The following PRKAR2B variants were observed in gnomAD, a reference collection of about 807,000 sequenced individuals.
PRKAR2B encodes cAMP-dependent protein kinase type II-beta regulatory subunit.
In PRKAR2B, 14 loss-of-function variants were observed where a neutral mutation model predicts 49.9. The observed-to-expected ratio is 0.28, with a 90% CI of 0.19 to 0.44. PRKAR2B has a LOEUF of 0.44. PRKAR2B is among the 20% of genes least tolerant of loss of function. The pLI is 1.00. For missense variants in PRKAR2B, 393 were observed against 537.9 expected, an observed-to-expected ratio of 0.73 and a Z score of 2.67; for synonymous variants, 196 against 197.7, an observed-to-expected ratio of 0.99 and a Z score of 0.07.
intron 8 of PRKAR2B, 95 bp from the exon 9 acceptor site, chr7:107,156,889 T>C: frequency 2.9e-6 from 3 of 1,037,076 alleles, no homozygotes; most frequent in South Asian, 1.4e-5. Context: ...ATGTGTACTT[T>C]GGGGTTGGAT....
At chr7:107,083,928 A>G (rs779258034) in intron 2 of PRKAR2B, among the ~76,000 whole-genome samples, 16 of 152,084 alleles carry the variant, frequency 1.1e-4, no homozygotes, top group Admixed American at 5.2e-4. Flanking sequence ...GTTTTTAGCT[A>G]TTTTATTAAA....
intron 2 of PRKAR2B, among the ~76,000 whole-genome samples, chr7:107,113,608 T>C (rs1795213278): frequency 6.6e-6 from 1 of 152,202 alleles, no homozygotes; most frequent in East Asian, 1.9e-4. Flanking sequence ...ACATTGACTT[T>C]AAAAAATGGA....
intron 2 of PRKAR2B, among the ~76,000 whole-genome samples, chr7:107,086,274 G>A (rs1794618561): frequency 1.3e-5 from 2 of 152,060 alleles, no homozygotes; most frequent in Non-Finnish European, 2.9e-5. Context: ...GTTTGACCTT[G>A]AGAGGGTTAT....
rs1368558750 is a variant in PRKAR2B, at chr7:107,075,107, AT to A, written c.343+4805del. ...ATTGGATGATTTTTATTATTTTTAA[AT>A]TTTTTTTTTTTTTGAGATGGAGTCT... On this transcript the variant is annotated intron_variant, in intron 2 of 10. Transcript: ENST00000265717. Among the ~76,000 whole-genome samples, 187 of 144,400 alleles carry A rather than the reference AT, an allele frequency of 1.3e-3. 1 individual carries two copies. The highest frequency in any genetic ancestry group is 2.2e-3 in the African/African-American group (86 of 39,694). 94.7% of individuals were successfully genotyped at this position (144,400 alleles called of 152,430 possible).
rs1796182811 is a variant in PRKAR2B, at chr7:107,160,718, A to C, written c.*1136A>C. 6.6e-6 allele frequency: 1 copy of C among 152,176 alleles called. No homozygotes were observed. Among genetic ancestry groups the C allele is most frequent in the Non-Finnish European group, 1.5e-5 (1 of 68,022 alleles). 9.4% of individuals were successfully genotyped at this position (152,176 alleles called of 1,614,324 possible). On this transcript the variant is annotated 3_prime_UTR_variant, in exon 11 of 11. Coordinates refer to ENST00000265717, the MANE Select transcript of PRKAR2B (RefSeq NM_002736.3). ...ATGAGCATAACCCTATATAAAGACA[A>C]AATGAATTTCTGACCTTACCATATA...
At chr7:107,124,533 T>C (rs1295798737) in intron 3 of PRKAR2B, among the ~76,000 whole-genome samples, 1 of 152,220 alleles carries the variant, frequency 6.6e-6, no homozygotes, top group Non-Finnish European at 1.5e-5. Context: ...TTCTCATGCC[T>C]CAGCCTCCCG....
intron 5 of PRKAR2B, among the ~76,000 whole-genome samples, chr7:107,141,792 A>C (rs542967970): frequency 6.6e-6 from 1 of 152,328 alleles, no homozygotes; most frequent in Admixed American, 6.5e-5. Context: ...AACATCATCC[A>C]GTCCACATAA....
In PRKAR2B at chr7:107,151,004, C is replaced by T. The variant is rs1795975909; in HGVS notation, c.824C>T (p.Pro275Leu). ...KMYESFIESL[P>L]FLKSLEFSER... ...TATGAAAGCTTTATTGAGTCACTGC[C>T]ATTCCTTAAATCTTTGGAGGTAAGT... The change falls in exon 7 of 11, where the codon CCA becomes CTA. Residue 275 changes from proline to leucine, a missense_variant. Transcript: ENST00000265717. The T allele has an allele frequency of 6.3e-7, 1 of 1,578,896 alleles. No individual in the cohort carries two copies. The highest frequency in any genetic ancestry group is 8.6e-7 in the Non-Finnish European group (1 of 1,161,420).
intron 1 of PRKAR2B, among the ~76,000 whole-genome samples, chr7:107,048,379 C>G (rs1301524600): frequency 6.6e-6 from 1 of 151,864 alleles, no homozygotes; most frequent in Non-Finnish European, 1.5e-5. Flanking sequence ...TGGGCTGACT[C>G]ACAAGTCAGG....
chr7:107,058,569 G>A (rs757179719), intron 1 of PRKAR2B, among the ~76,000 whole-genome samples: 11 of 152,064 alleles, frequency 7.2e-5, no homozygotes, highest in Non-Finnish European at 1.2e-4. Flanking sequence ...TTGTTCATAC[G>A]TCTTTGATTT....
In PRKAR2B at chr7:107,045,060, C is replaced by A; in HGVS notation, c.153C>A (p.Phe51Leu). 13 of 1,543,882 alleles carry A rather than the reference C, an allele frequency of 8.4e-6. No individual in the cohort carries two copies. Among genetic ancestry groups the A allele is most frequent in the South Asian group, 1.2e-5 (1 of 84,232 alleles). Reference sequence around the variant, plus strand: ...ACGAGCGCAAAGGCACCGCGCGCTTCGGCCATGAGGGCAGGACCTGGGGGG... The same window carrying A: ...ACGAGCGCAAAGGCACCGCGCGCTTAGGCCATGAGGGCAGGACCTGGGGGG... ...QENERKGTAR[F>L]GHEGRTWGDL... Residue 51 changes from phenylalanine (F) to leucine (L), a missense_variant, in exon 1 of 11, where the codon TTC becomes TTA. Physicochemically the swap from Phe to Leu is conservative, Grantham distance 22. This residue lies in a region of PRKAR2B where 160 missense variants were observed against 147.6 expected (regional missense o/e 1.08). Coordinates refer to ENST00000265717, the MANE Select transcript of PRKAR2B (RefSeq NM_002736.3).
intron 1 of PRKAR2B, among the ~76,000 whole-genome samples, chr7:107,064,189 T>G (rs753192690): frequency 2.0e-5 from 3 of 152,224 alleles, no homozygotes; most frequent in Non-Finnish European, 4.4e-5. Flanking sequence ...TGTATTTTTC[T>G]CTCTTTTTCT....
intron 2 of PRKAR2B, among the ~76,000 whole-genome samples, chr7:107,071,730 CATTT>C (rs1415766459): frequency 6.6e-6 from 1 of 152,162 alleles, no homozygotes; most frequent in African/African-American, 2.4e-5. Flanking sequence ...TGACATGTGA[CATTT>C]ATTTCTGGGC....
At chr7:107,141,037 A>T in intron 5 of PRKAR2B, 84 bp downstream of exon 5, 4 of 958,922 alleles carry the variant, frequency 4.2e-6, no homozygotes, top group Non-Finnish European at 6.5e-6. Context: ...CTGACAGGTT[A>T]ATATAGGATA....
At chr7:107,094,265 A>G (rs1794793389) in intron 2 of PRKAR2B, among the ~76,000 whole-genome samples, 1 of 152,204 alleles carries the variant, frequency 6.6e-6, no homozygotes, top group South Asian at 2.1e-4. Context: ...ATGGCCAGTG[A>G]TGATGAACAT....
chr7:107,055,869 T>G (rs1482816708), intron 1 of PRKAR2B, among the ~76,000 whole-genome samples: 1 of 152,238 alleles, frequency 6.6e-6, no homozygotes, highest in African/African-American at 2.4e-5. Flanking sequence ...CTTTTGGTGT[T>G]TTAGACATGA....
At chr7:107,147,322 C>A (rs1795912109) in intron 6 of PRKAR2B, among the ~76,000 whole-genome samples, 1 of 152,106 alleles carries the variant, frequency 6.6e-6, no homozygotes, top group Admixed American at 6.5e-5. Flanking sequence ...AAAAAAAATC[C>A]TCTTACCTAG....
At chr7:107,112,003 CAAAAAAAAAAAAAA>C (rs71134251) in intron 2 of PRKAR2B, among the ~76,000 whole-genome samples, 1 of 46,148 alleles carries the variant, frequency 2.2e-5, no homozygotes, top group East Asian at 7.8e-4. Flanking sequence ...CCTCCTCTAC[CAAAAAAAAAAAAAA>C]AAAAAAAAAA....
chr7:107,141,640 C>T (rs13229476), intron 5 of PRKAR2B, among the ~76,000 whole-genome samples: 10 of 152,026 alleles, frequency 6.6e-5, no homozygotes, highest in Non-Finnish European at 1.3e-4. Flanking sequence ...TGCAGTGAGC[C>T]GATACTGCAC....
Sources: gnomAD v4.1 joint callset for allele counts (sites outside exome capture counted in the v4.1 genomes callset) on GRCh38, gnomAD v4.1.1 for gene constraint, gnomAD v4.1.1 regional missense constraint, MANE v1.5 for transcripts, NCBI Gene and HGNC (gene_info 2026-07-23, HGNC 2026-07-21) for gene names.